TFDP2: variants seen among roughly 807,000 people sequenced by gnomAD.
TFDP2 encodes transcription factor Dp-2 (E2F dimerization partner 2).
Under a neutral mutation model 59.3 loss-of-function variants are expected in TFDP2, and 17 were observed. The ratio of observed to expected loss-of-function variants is 0.29; its 90% CI spans 0.20 to 0.43. The LOEUF (loss-of-function observed/expected upper bound fraction) is 0.43. Ranked by LOEUF, TFDP2 falls within the 20% of genes least tolerant of loss-of-function variation. The pLI is 1.00. For synonymous variants in TFDP2, 180 were observed against 194.7 expected (o/e 0.92, Z 0.63); for missense variants, 391 against 528.8 (o/e 0.74, Z 2.56).
At position 141,962,377 on chromosome 3, in the gene TFDP2, G is replaced by A. The variant is rs537723912; in HGVS notation, c.884+1435C>T. ...CTGTTTTTTTCTTTTTTCTTTTTTCGAGACAGAGTCTTGCTCTGTCGTCCA... is the reference window on the plus strand; with the variant it reads ...CTGTTTTTTTCTTTTTTCTTTTTTCAAGACAGAGTCTTGCTCTGTCGTCCA... On this transcript the variant is annotated intron_variant, in intron 10 of 12. Transcript: ENST00000489671. Among the ~76,000 whole-genome samples the A allele has an allele frequency of 1.4e-3, 201 of 147,888 alleles. 3 individuals are homozygous for A. The highest frequency in any genetic ancestry group is 3.6e-4 in the Non-Finnish European group (24 of 67,178).
intron 3 of TFDP2, among the ~76,000 whole-genome samples, chr3:142,080,389 G>T (rs189059266): frequency 6.6e-6 from 1 of 152,126 alleles, no homozygotes; most frequent in East Asian, 1.9e-4. Flanking sequence ...TACCACCAGA[G>T]AAAAATCACC....
intron 1 of TFDP2, among the ~76,000 whole-genome samples, chr3:142,132,780 T>A (rs1577058081): frequency 7.0e-6 from 1 of 142,312 alleles, no homozygotes; most frequent in Non-Finnish European, 1.5e-5. Flanking sequence ...GACATGTGAA[T>A]TGTATCTCAA....
At chr3:141,975,523 T>C (rs956859451) in intron 7 of TFDP2, among the ~76,000 whole-genome samples, 1 of 151,734 alleles carries the variant, frequency 6.6e-6, no homozygotes, top group Non-Finnish European at 1.5e-5. Context: ...CAAAACCCCA[T>C]CTCTACTAAA....
chr3:142,043,685 G>A, intron 3 of TFDP2: 1 of 1,061,846 alleles, frequency 9.4e-7, no homozygotes, highest in Non-Finnish European at 1.5e-6. Flanking sequence ...TTGGCCTGCA[G>A]GCGTTCTTCA....
chr3:142,044,845 C>G (rs1947247060), intron 3 of TFDP2, among the ~76,000 whole-genome samples: 1 of 152,152 alleles, frequency 6.6e-6, no homozygotes, highest in Admixed American at 6.5e-5. Context: ...AATTTAACCT[C>G]TTTACCTCCG....
intron 6 of TFDP2, among the ~76,000 whole-genome samples, chr3:141,992,196 C>A (rs1942854935): frequency 6.6e-6 from 1 of 151,782 alleles, no homozygotes; most frequent in African/African-American, 2.4e-5. Context: ...ATGTAGCAAT[C>A]TTCGTGGTTT....
intron 3 of TFDP2, among the ~76,000 whole-genome samples, chr3:142,039,265 C>A (rs1946842784): frequency 6.6e-6 from 1 of 152,082 alleles, no homozygotes; most frequent in Non-Finnish European, 1.5e-5. Context: ...TCTTACAGTG[C>A]CAATATTTAT....
At chr3:141,970,236 T>G in intron 8 of TFDP2, 95 bp from the exon 9 acceptor site, 1 of 1,192,412 alleles carries the variant, frequency 8.4e-7, no homozygotes, top group South Asian at 1.3e-5. Flanking sequence ...CAATTTTCCC[T>G]AGAGAAACTG....
intron 6 of TFDP2, among the ~76,000 whole-genome samples, chr3:141,990,333 G>C (rs1241602048): frequency 1.3e-5 from 2 of 151,864 alleles, no homozygotes; most frequent in Admixed American, 1.3e-4. Flanking sequence ...GGAGTGCAGT[G>C]GTGTGATCTT....
At chr3:141,958,774 G>A (rs1937000748) in intron 11 of TFDP2, among the ~76,000 whole-genome samples, 1 of 152,056 alleles carries the variant, frequency 6.6e-6, no homozygotes. Flanking sequence ...CTGTAAAGAG[G>A]AGCAGCGTAC....
intron 6 of TFDP2, among the ~76,000 whole-genome samples, chr3:141,987,623 T>G (rs1434894585): frequency 2.0e-5 from 3 of 151,282 alleles, no homozygotes; most frequent in Non-Finnish European, 4.4e-5. Context: ...TGCATGTGTG[T>G]GTGTTTTAAA....
chr3:141,997,668 G>A (rs1255410784), intron 4 of TFDP2, among the ~76,000 whole-genome samples: 1 of 151,732 alleles, frequency 6.6e-6, no homozygotes, highest in African/African-American at 2.4e-5. Flanking sequence ...TGGCCAATAT[G>A]GTGAAACCCT....
chr3:142,099,661 T>C (rs1234862721), intron 2 of TFDP2, among the ~76,000 whole-genome samples: 2 of 151,426 alleles, frequency 1.3e-5, no homozygotes, highest in Non-Finnish European at 2.9e-5. Flanking sequence ...GATTGTGCCA[T>C]TGTATTCCAG....
At chr3:142,002,315 G>GT (rs1198698079) in intron 4 of TFDP2, among the ~76,000 whole-genome samples, 7 of 108,342 alleles carry the variant, frequency 6.5e-5, no homozygotes, top group East Asian at 2.5e-4. Flanking sequence ...TTTATTTTTA[G>GT]TGTTTTTTTT....
chr3:142,004,411 T>C (rs868814589), intron 4 of TFDP2, among the ~76,000 whole-genome samples: 2 of 152,212 alleles, frequency 1.3e-5, no homozygotes, highest in South Asian at 2.1e-4. Flanking sequence ...TTTATCCTTA[T>C]TGCTCTATAG....
intron 9 of TFDP2, among the ~76,000 whole-genome samples, chr3:141,967,309 T>C (rs1938255815): frequency 6.7e-6 from 1 of 148,918 alleles, no homozygotes; most frequent in Non-Finnish European, 1.5e-5. Context: ...TTTTTTTTTT[T>C]GAGACAGAGT....
At position 141,960,862 on chromosome 3, in the gene TFDP2, G is replaced by C. The variant is rs1260849714; in HGVS notation, c.885-1022C>G. On this transcript the variant is annotated intron_variant, in intron 10 of 12. Coordinates refer to ENST00000489671, the MANE Select transcript of TFDP2 (RefSeq NM_001178139.2). The stretch of plus-strand genomic sequence containing the variant: ...TGTGGAAAGCCTCTTGGCTAATTAT[G>C]GGGAAAGACTGCATCACCAAAGTAA... Among the ~76,000 whole-genome samples the C allele has an allele frequency of 4.0e-5, 6 of 151,888 alleles. No individual in the cohort carries two copies. The South Asian group carries it at 1.3e-3, about 32-fold the overall frequency.
At chr3:141,977,823 G>T (rs964399842) in intron 7 of TFDP2, among the ~76,000 whole-genome samples, 1 of 151,530 alleles carries the variant, frequency 6.6e-6, no homozygotes, top group East Asian at 2.0e-4. Context: ...CAATTCTCCT[G>T]CCTCAGCCTC....
intron 5 of TFDP2, 45 bp downstream of exon 5, chr3:141,994,975 A>C: frequency 6.8e-7 from 1 of 1,464,818 alleles, no homozygotes; most frequent in Non-Finnish European, 9.1e-7. Context: ...AAAATGTCTA[A>C]ACTTTTTTTA....
Sources: gnomAD v4.1 joint callset for allele counts (sites outside exome capture counted in the v4.1 genomes callset) on GRCh38, gnomAD v4.1.1 for gene constraint, MANE v1.5 for transcripts, NCBI Gene and HGNC (gene_info 2026-07-23, HGNC 2026-07-21) for gene names.